Variants in TRIO observed in about 807,000 individuals in gnomAD.
TRIO encodes the protein trio Rho guanine nucleotide exchange factor, also known as triple functional domain protein.
In TRIO, 58 loss-of-function variants were observed where a neutral mutation model predicts 351.9. The ratio of observed to expected loss-of-function variants is 0.16; its 90% CI spans 0.13 to 0.21. The LOEUF is 0.21. TRIO is among the 10% of genes least tolerant of loss of function. The pLI is 1.00. For missense variants in TRIO, 3,201 were observed against 4,027.8 expected (o/e 0.79, Z 5.56); for synonymous variants, 1,758 against 1,595.7 (o/e 1.10, Z -2.42).
chr5:14,478,535 A>T (rs899206136), intron 41 of TRIO, among the ~76,000 whole-genome samples: 1 of 151,996 alleles, frequency 6.6e-6, no homozygotes, highest in African/African-American at 2.4e-5. Context: ...CATTGTCTAC[A>T]TTTTTTTTCT....
chr5:14,433,354 C>T (rs1332025477), intron 34 of TRIO, among the ~76,000 whole-genome samples: 1 of 152,136 alleles, frequency 6.6e-6, no homozygotes, highest in Non-Finnish European at 1.5e-5. Flanking sequence ...GCAGGGGTTT[C>T]GTCATCCCTT....
intron 30 of TRIO, among the ~76,000 whole-genome samples, chr5:14,399,579 A>G (rs568365373): frequency 6.6e-6 from 1 of 152,352 alleles, no homozygotes; most frequent in East Asian, 1.9e-4. Flanking sequence ...GCCAAAGTAC[A>G]GTCTGAAAGA....
chr5:14,483,304 A>G (rs899060881), intron 46 of TRIO, among the ~76,000 whole-genome samples: 1 of 152,212 alleles, frequency 6.6e-6, no homozygotes, highest in Admixed American at 6.5e-5. Context: ...AAGTCTGTAA[A>G]AGGGACAAAC....
At chr5:14,312,170 G>A (rs1032375904) in intron 8 of TRIO, among the ~76,000 whole-genome samples, 3 of 152,160 alleles carry the variant, frequency 2.0e-5, no homozygotes, top group Non-Finnish European at 4.4e-5. Context: ...AACAAGAATA[G>A]GCAAATCTCT....
At chr5:14,272,603 A>C (rs377007462) in intron 2 of TRIO, among the ~76,000 whole-genome samples, 3 of 128,750 alleles carry the variant, frequency 2.3e-5, no homozygotes, top group African/African-American at 9.2e-5. Flanking sequence ...ATAAAGTTGG[A>C]TATCTTTGGT....
chr5:14,146,745 A>T (rs1787545172), intron 1 of TRIO, among the ~76,000 whole-genome samples: 1 of 151,818 alleles, frequency 6.6e-6, no homozygotes, highest in African/African-American at 2.4e-5. Flanking sequence ...TTCCCTGTGG[A>T]CTCTGGCTTT....
intron 1 of TRIO, among the ~76,000 whole-genome samples, chr5:14,155,712 C>T (rs935820195): frequency 2.0e-5 from 3 of 152,174 alleles, no homozygotes; most frequent in African/African-American, 4.8e-5. Flanking sequence ...TTTGGAGCAT[C>T]GTGTCTGGGA....
intron 1 of TRIO, among the ~76,000 whole-genome samples, chr5:14,192,073 G>A (rs1790489609): frequency 6.6e-6 from 1 of 152,066 alleles, no homozygotes. Flanking sequence ...TTGTAAAGAA[G>A]AATATATCTA....
chr5:14,421,228 T>TTTA (rs1304228220), intron 34 of TRIO, among the ~76,000 whole-genome samples: 2 of 16,864 alleles, frequency 1.2e-4, no homozygotes, highest in African/African-American at 2.2e-4. Context: ...TATTTATTTA[T>TTTA]TTATTTTATT....
At chr5:14,210,049 A>T (rs571728850) in intron 1 of TRIO, among the ~76,000 whole-genome samples, 2 of 152,292 alleles carry the variant, frequency 1.3e-5, no homozygotes, top group South Asian at 4.1e-4. Flanking sequence ...TGATTGCTGG[A>T]GGAGCCCAGC....
chr5:14,358,354 C>T lies in TRIO; in HGVS notation c.2216+7C>T, dbSNP rs1403412708. On this transcript the variant is annotated splice_region_variant and intron_variant, in intron 12 of 56. Coordinates refer to ENST00000344204, the MANE Select transcript of TRIO (RefSeq NM_007118.4). ...ACCTCATCCAGCAGCTCAGGTGGGCCTCACCCCTCTCCTGGTCCGAACAGA... is the reference window on the plus strand; with the variant it reads ...ACCTCATCCAGCAGCTCAGGTGGGCTTCACCCCTCTCCTGGTCCGAACAGA... 2 of 1,613,774 alleles carry T rather than the reference C, an allele frequency of 1.2e-6. No homozygotes were observed. The highest frequency in any genetic ancestry group is 3.3e-5 in the Admixed American group (2 of 60,022).
intron 1 of TRIO, among the ~76,000 whole-genome samples, chr5:14,162,954 G>A (rs1175608157): frequency 1.3e-5 from 2 of 152,020 alleles, no homozygotes; most frequent in Non-Finnish European, 1.5e-5. Context: ...GTACAGGTGT[G>A]TACCACCATG....
intron 1 of TRIO, among the ~76,000 whole-genome samples, chr5:14,186,669 C>G (rs1036109885): frequency 2.6e-5 from 4 of 152,032 alleles, no homozygotes; most frequent in African/African-American, 7.3e-5. Flanking sequence ...CCTCTGCCCC[C>G]CTGGTTCAAG....
rs376866089 is a variant in TRIO at position 14,280,367 on chromosome 5, G to C, written c.278G>C (p.Arg93Pro). The change falls in exon 3 of 57, where the codon CGC becomes CCC. Residue 93 changes from arginine to proline, a missense_variant. Around this residue, in one of 19 missense-constraint regions of TRIO, gnomAD observed 109 missense variants for 134.6 expected, o/e 0.81. Coordinates refer to ENST00000344204, the MANE Select transcript of TRIO (RefSeq NM_007118.4). ...GGTCCCATTTTAACGTTTCCGGCCC[G>C]CAGCAATCATGACAGAATACGACAG... ...RGGPILTFPA[R>P]SNHDRIRQED... 1.9e-6 allele frequency: 3 copies of C among 1,614,078 alleles called. No individual in the cohort carries two copies. In the Admixed American group the frequency reaches 5.0e-5, roughly 27 times the overall value.
chr5:14,226,306 C>T (rs893330594), intron 1 of TRIO, among the ~76,000 whole-genome samples: 2 of 151,994 alleles, frequency 1.3e-5, no homozygotes, highest in Non-Finnish European at 2.9e-5. Flanking sequence ...ACTTCAAGTC[C>T]TTTTTTCTGT....
At chr5:14,153,034 T>G (rs1787925855) in intron 1 of TRIO, among the ~76,000 whole-genome samples, 1 of 152,252 alleles carries the variant, frequency 6.6e-6, no homozygotes, top group African/African-American at 2.4e-5. Context: ...TCAACTCTGC[T>G]GGAGTCTGAA....
At chr5:14,480,866 G>A (rs1755461609) in intron 43 of TRIO, among the ~76,000 whole-genome samples, 1 of 152,196 alleles carries the variant, frequency 6.6e-6, no homozygotes, top group Non-Finnish European at 1.5e-5. Context: ...TGAGGCAGGA[G>A]GATAGCTTGA....
intron 1 of TRIO, among the ~76,000 whole-genome samples, chr5:14,198,572 G>A (rs1305527600): frequency 2.0e-5 from 3 of 152,216 alleles, no homozygotes; most frequent in Non-Finnish European, 4.4e-5. Context: ...TTGGGGCATT[G>A]AAAGAAGTTG....
intron 33 of TRIO, among the ~76,000 whole-genome samples, chr5:14,411,509 T>A (rs981004407): frequency 3.0e-4 from 45 of 150,348 alleles, no homozygotes; most frequent in African/African-American, 9.6e-4. Flanking sequence ...GAGTGAGAAA[T>A]TCAGTTGAGA....
Sources: gnomAD v4.1 joint callset for allele counts (sites outside exome capture counted in the v4.1 genomes callset) on GRCh38, gnomAD v4.1.1 for gene constraint, gnomAD v4.1.1 regional missense constraint, MANE v1.5 for transcripts, NCBI Gene and HGNC (gene_info 2026-07-23, HGNC 2026-07-21) for gene names.